Variants in CHM observed in about 807,000 individuals in gnomAD.
CHM encodes CHM Rab escort protein, also known as rab proteins geranylgeranyltransferase component A 1.
CHM carries 10 observed loss-of-function variants against 49.0 expected under a neutral mutation model. The ratio of observed to expected loss-of-function variants is 0.20; its 90% confidence interval spans 0.13 to 0.35. The LOEUF (loss-of-function observed/expected upper bound fraction) is 0.35. Ranked by LOEUF, CHM falls within the 10% of genes least tolerant of loss-of-function variation. The probability of loss-of-function intolerance (pLI) is 1.00; values close to 1 mark genes in which losing one functional copy is unlikely to be tolerated. For synonymous variants in CHM, 184 were observed against 167.5 expected (o/e 1.10, Z -0.76); for missense variants, 455 against 478.4 (o/e 0.95, Z 0.46).
chrX:85,981,725 T>C lies in CHM; in HGVS notation c.189+12A>G, dbSNP rs369237581. The C allele has an allele frequency of 1.4e-5, 16 of 1,161,353 alleles. No individual in the cohort carries two copies. The African/African-American group carries it at 2.2e-4, about 16-fold the overall frequency. Reference sequence around the variant, plus strand: ...AAACAAAGCAAATTAAAAGGTCAGATACAAACTTTACCTGGTATTCCTTTA... The same window carrying C: ...AAACAAAGCAAATTAAAAGGTCAGACACAAACTTTACCTGGTATTCCTTTA... On this transcript the variant is annotated intron_variant, in intron 3 of 14. Coordinates refer to ENST00000357749, the MANE Select transcript of CHM (RefSeq NM_000390.4).
intron 13 of CHM, among the ~76,000 whole-genome samples, chrX:85,877,190 TTAAAAC>T (rs1924468934): frequency 9.0e-6 from 1 of 111,670 alleles, no homozygotes; most frequent in Admixed American, 9.6e-5. Flanking sequence ...AATTAATAAA[TTAAAAC>T]TAAAATAATT....
chrX:86,042,025 C>T (rs1292763241), intron 1 of CHM, among the ~76,000 whole-genome samples: 1 of 109,685 alleles, frequency 9.1e-6, no homozygotes, highest in African/African-American at 3.3e-5. Context: ...AAGGCTGGCA[C>T]AAACAGATAT....
At chrX:85,940,157 C>T (rs923594866) in intron 8 of CHM, among the ~76,000 whole-genome samples, 1 of 111,140 alleles carries the variant, frequency 9.0e-6, no homozygotes, top group Non-Finnish European at 1.9e-5. Context: ...AAGTGCTACA[C>T]ACTTTTAAAC....
rs1318349907 is a variant in CHM at position 85,942,484 on chromosome X, A to G, written c.1166+13669T>C. ...GGACTTCTTTTATGAAGAAACATAA[A>G]ACATTTTGTAAATAAATTTCAAGGT... is the stretch of plus-strand genomic sequence containing the variant. On this transcript the variant is annotated intron_variant, in intron 8 of 14. Coordinates refer to ENST00000357749, the MANE Select transcript of CHM (RefSeq NM_000390.4). 8.0e-5 allele frequency among the ~76,000 whole-genome samples: 9 copies of G among 111,973 alleles called. 1 individual carries two copies. The East Asian group carries it at 2.6e-3, about 32-fold the overall frequency.
At chrX:85,895,538 C>T (rs1925776884) in intron 11 of CHM, among the ~76,000 whole-genome samples, 1 of 111,983 alleles carries the variant, frequency 8.9e-6, no homozygotes, top group East Asian at 2.8e-4. Context: ...ATAGAAAATA[C>T]TTGTCAAAAG....
chrX:85,915,012 A>C (rs1927365990), intron 8 of CHM, among the ~76,000 whole-genome samples: 1 of 110,162 alleles, frequency 9.1e-6, no homozygotes, highest in Non-Finnish European at 1.9e-5. Context: ...TACCACAAAC[A>C]AACCTTCAAA....
intron 2 of CHM, among the ~76,000 whole-genome samples, chrX:86,003,533 C>A (rs1187192319): frequency 8.9e-6 from 1 of 111,849 alleles, no homozygotes; most frequent in Non-Finnish European, 1.9e-5. Context: ...AGATGAATGG[C>A]TAACTAGAAT....
intron 1 of CHM, among the ~76,000 whole-genome samples, chrX:86,029,190 G>A (rs920008750): frequency 5.4e-5 from 6 of 112,107 alleles, no homozygotes; most frequent in Non-Finnish European, 9.4e-5. Flanking sequence ...TATAATTCAA[G>A]TAAACAAAAT....
intron 2 of CHM, among the ~76,000 whole-genome samples, chrX:85,998,935 C>T (rs1038461493): frequency 1.4e-4 from 16 of 110,983 alleles, no homozygotes; most frequent in South Asian, 3.8e-4. Context: ...TAGATATATA[C>T]GTTGCTTGAA....
chrX:85,876,725 C>G (rs1167490579), intron 13 of CHM, among the ~76,000 whole-genome samples: 1 of 111,466 alleles, frequency 9.0e-6, no homozygotes, highest in Non-Finnish European at 1.9e-5. Flanking sequence ...CCTGAGGACC[C>G]TTCTGAGCAC....
intron 8 of CHM, among the ~76,000 whole-genome samples, chrX:85,914,503 G>C (rs1037816533): frequency 4.5e-5 from 5 of 110,435 alleles, no homozygotes; most frequent in Non-Finnish European, 7.6e-5. Flanking sequence ...ACCTCCCCCA[G>C]TGAGCATCCA....
intron 8 of CHM, among the ~76,000 whole-genome samples, chrX:85,948,207 C>T (rs913861366): frequency 4.5e-5 from 5 of 112,047 alleles, no homozygotes; most frequent in African/African-American, 1.6e-4. Flanking sequence ...TTACCAACCA[C>T]ACAAATAAAC....
At chrX:86,008,675 G>A (rs1932931971) in intron 2 of CHM, among the ~76,000 whole-genome samples, 1 of 111,412 alleles carries the variant, frequency 9.0e-6, no homozygotes, top group African/African-American at 3.3e-5. Context: ...TTCTAGTGGA[G>A]GGTCAGCAAA....
intron 3 of CHM, among the ~76,000 whole-genome samples, chrX:85,979,779 T>C (rs1419377433): frequency 8.9e-6 from 1 of 112,180 alleles, no homozygotes; most frequent in East Asian, 2.8e-4. Flanking sequence ...CTTTTAAACT[T>C]ACAAATGTCA....
intron 1 of CHM, among the ~76,000 whole-genome samples, chrX:86,039,717 T>TA (rs975785592): frequency 9.0e-6 from 1 of 110,573 alleles, no homozygotes; most frequent in Admixed American, 9.7e-5. Context: ...CGAAACCACT[T>TA]ACGGCCCACC....
At chrX:85,895,608 C>T (rs182909520) in intron 11 of CHM, among the ~76,000 whole-genome samples, 110 of 112,186 alleles carry the variant, frequency 9.8e-4, no homozygotes, top group Non-Finnish European at 1.9e-3. Context: ...CTGAGAATGT[C>T]ACAGTGATGG....
chrX:85,920,259 C>A (rs1036613757), intron 8 of CHM, among the ~76,000 whole-genome samples: 23 of 109,871 alleles, frequency 2.1e-4, no homozygotes, highest in African/African-American at 6.6e-4. Flanking sequence ...CCACACCCAG[C>A]TAATTTTTTC....
At chrX:86,024,384 A>C (rs763063923) in intron 2 of CHM, among the ~76,000 whole-genome samples, 4 of 112,420 alleles carry the variant, frequency 3.6e-5, no homozygotes, top group Non-Finnish European at 7.5e-5. Flanking sequence ...ATCTACACTG[A>C]CCCAGACCCA....
At chrX:85,914,537 C>T (rs1265596146) in intron 8 of CHM, among the ~76,000 whole-genome samples, 5 of 110,522 alleles carry the variant, frequency 4.5e-5, no homozygotes, top group African/African-American at 1.6e-4. Context: ...CTCAACGGTG[C>T]GCACTCAACT....
Sources: allele counts gnomAD v4.1 joint callset (sites outside exome capture counted in the v4.1 genomes callset), GRCh38; gene constraint gnomAD v4.1.1; transcripts MANE v1.5; gene names NCBI Gene and HGNC (gene_info 2026-07-23, HGNC 2026-07-21).